ZNF234: variants seen among roughly 807,000 people sequenced by gnomAD.
ZNF234 encodes zinc finger protein 234, also known as C2-H2 type zinc finger protein.
A neutral mutation model predicts 10.3 loss-of-function variants in ZNF234; 4 were observed. That is an observed-to-expected ratio of 0.39 (90% CI 0.19 to 0.89). The LOEUF (loss-of-function observed/expected upper bound fraction) is 0.89, where lower values mean the gene tolerates loss of function less well. ZNF234 is among the 40% of genes least tolerant of loss of function. ZNF234 has a pLI of 0.38. For synonymous variants in ZNF234, 258 were observed against 280.1 expected (o/e 0.92, Z 0.79); for missense variants, 711 against 836.1 (o/e 0.85, Z 1.85).
At chr19:44,146,293 C>T (rs1968588659) in intron 3 of ZNF234, among the ~76,000 whole-genome samples, 1 of 152,170 alleles carries the variant, frequency 6.6e-6, no homozygotes, top group African/African-American at 2.4e-5. Context: ...TTAAATTACT[C>T]TACGGATATC....
In ZNF234 at chr19:44,156,275, G is replaced by C. The variant is rs959451284; in HGVS notation, c.259G>C (p.Glu87Gln). ...AGCAGACAAGATCCAAAGTGAGGTGGAGACTGTTCCAGAAGCAGGACGACA... is the reference window on the plus strand; with the variant it reads ...AGCAGACAAGATCCAAAGTGAGGTGCAGACTGTTCCAGAAGCAGGACGACA... ...KSADKIQSEV[E>Q]TVPEAGRHEE... Residue 87 changes from glutamate (E) to glutamine (Q), a missense_variant, in exon 6 of 6, where the codon GAG becomes CAG. By Grantham distance (29) the Glu-to-Gln change is conservative. Coordinates refer to ENST00000426739, the MANE Select transcript of ZNF234 (RefSeq NM_006630.3). The C allele has an allele frequency of 6.4e-7, 1 of 1,569,960 alleles. No individual in the cohort carries two copies. The highest frequency in any genetic ancestry group is 8.6e-7 in the Non-Finnish European group (1 of 1,162,096).
rs181817835 is a variant in ZNF234, at chr19:44,146,530, G to A, written c.15+1883G>A. On this transcript the variant is annotated intron_variant, in intron 3 of 5. Transcript: ENST00000426739. Reference sequence around the variant, plus strand: ...TCTGAGGAGTACCCTGAAGCATGGGGATCAGGGGGTGAGGTTTTTGGTAAG... The same window carrying A: ...TCTGAGGAGTACCCTGAAGCATGGGAATCAGGGGGTGAGGTTTTTGGTAAG... Among the ~76,000 whole-genome samples the A allele has an allele frequency of 3.4e-3, 522 of 152,300 alleles. 8 individuals carry two copies. Among genetic ancestry groups the A allele is most frequent in the East Asian group, 1.2e-3 (6 of 5,188 alleles).
intron 3 of ZNF234, 108 bp from the exon 4 acceptor site, chr19:44,148,663 C>T (rs763168186): frequency 4.2e-5 from 62 of 1,465,214 alleles, no homozygotes; most frequent in Non-Finnish European, 5.4e-5. Flanking sequence ...CACATTAAGT[C>T]TCTGAAAATC....
intron 4 of ZNF234, 66 bp from the exon 5 acceptor site, chr19:44,150,347 A>G: frequency 1.5e-6 from 2 of 1,314,576 alleles, no homozygotes; most frequent in Non-Finnish European, 2.1e-6. Flanking sequence ...AGTAATTCAA[A>G]TTGCCAGTAA....
At chr19:44,155,822 A>G (rs1423137488) in intron 5 of ZNF234, among the ~76,000 whole-genome samples, 2 of 152,144 alleles carry the variant, frequency 1.3e-5, no homozygotes, top group Non-Finnish European at 2.9e-5. Flanking sequence ...ACTGGTCTCA[A>G]ACCCCTGGCC....
In ZNF234 at chr19:44,157,519, T is replaced by C; in HGVS notation, c.1503T>C (p.Ile501=). The C allele has an allele frequency of 6.2e-7, 1 of 1,613,628 alleles. No individual in the cohort carries two copies. The highest frequency in any genetic ancestry group is 8.5e-7 in the Non-Finnish European group (1 of 1,179,910). The change falls in exon 6 of 6, where the codon ATT becomes ATC. Residue 501 remains isoleucine (I), a synonymous_variant. Coordinates refer to ENST00000426739, the MANE Select transcript of ZNF234 (RefSeq NM_006630.3). ...KGFSRRADLK[I]HCRIHTGEKP... is the part of the protein sequence containing the mutation. The stretch of plus-strand genomic sequence containing the variant: ...TTAGTCGTAGAGCAGATCTTAAAAT[T>C]CATTGTAGGATCCACACAGGGGAGA...
In ZNF234 at chr19:44,156,744, G is replaced by A. The variant is rs199815601; in HGVS notation, c.728G>A (p.Arg243His). Residue 243 changes from arginine (R) to histidine (H), a missense_variant, in exon 6 of 6, where the codon CGT becomes CAT. Physicochemically the swap from Arg to His is conservative, Grantham distance 29. Coordinates refer to ENST00000426739, the MANE Select transcript of ZNF234 (RefSeq NM_006630.3). ...KCVECGKGFS[R>H]RSTLTVHCKL... ...GTGGAATGTGGGAAAGGCTTCAGTC[G>A]TAGATCAACACTTACTGTACATTGC... is the stretch of plus-strand genomic sequence containing the variant. 212 of 1,613,582 alleles carry A rather than the reference G, an allele frequency of 1.3e-4. No individual in the cohort carries two copies. Among genetic ancestry groups the A allele is most frequent in the African/African-American group, 1.3e-3 (96 of 74,838 alleles).
At chr19:44,150,029 C>T (rs906911982) in intron 4 of ZNF234, 4 of 154,720 alleles carry the variant, frequency 2.6e-5, no homozygotes, top group Admixed American at 6.5e-5. Context: ...TCTGTGCAGC[C>T]GTGGGCATGT....
chr19:44,142,761 C>CAAA lies in ZNF234; in HGVS notation c.-77+395_-77+397dup, dbSNP rs576710519. On this transcript the variant is annotated intron_variant, in intron 2 of 5. Transcript: ENST00000426739. ...GTCAACTATTTTGTTTCATTTATTA[C>CAAA]AAATATTTCACATTCTAATAGAACC... 1.7e-3 allele frequency among the ~76,000 whole-genome samples: 259 copies of CAAA among 152,250 alleles called. 1 individual carries two copies. Among genetic ancestry groups the CAAA allele is most frequent in the African/African-American group, 5.9e-3 (247 of 41,550 alleles).
At position 44,156,487 on chromosome 19, in the gene ZNF234, C is replaced by T. The variant is rs750239096; in HGVS notation, c.471C>T (p.Phe157=). The part of the protein sequence containing the change: ...FYQCDEYKKS[F]TDVFNFDLHQ... Reference sequence around the variant, plus strand: ...AATGTGATGAGTACAAAAAATCCTTCACTGATGTCTTCAACTTTGATCTTC... The same window carrying T: ...AATGTGATGAGTACAAAAAATCCTTTACTGATGTCTTCAACTTTGATCTTC... The change falls in exon 6 of 6, where the codon TTC becomes TTT. Residue 157 remains phenylalanine (F), a synonymous_variant. Transcript: ENST00000426739. 3.1e-6 allele frequency: 5 copies of T among 1,614,170 alleles called. No individual in the cohort carries two copies. Among genetic ancestry groups the T allele is most frequent in the Non-Finnish European group, 4.2e-6 (5 of 1,180,004 alleles).
chr19:44,157,696 A>G lies in ZNF234; in HGVS notation c.1680A>G (p.Lys560=). The G allele has an allele frequency of 6.2e-7, 1 of 1,614,150 alleles. No individual in the cohort carries two copies. The highest frequency in any genetic ancestry group is 8.5e-7 in the Non-Finnish European group (1 of 1,180,028). The change falls in exon 6 of 6, where the codon AAA becomes AAG. Residue 560 remains lysine, a synonymous_variant. Transcript: ENST00000426739. ...SRSAHLQAHQ[K]VHTGEKPYKC... is the part of the protein sequence containing the mutation. ...GTGCACACCTTCAAGCCCATCAAAA[A>G]GTCCACACTGGAGAAAAGCCATACA...
rs893787773 is a variant in ZNF234, at chr19:44,148,808, C to T, written c.53C>T (p.Thr18Ile). 12 of 1,613,818 alleles carry T rather than the reference C, an allele frequency of 7.4e-6. No individual in the cohort carries two copies. In the African/African-American group the frequency reaches 1.3e-4, roughly 18 times the overall value. ...TTCAAGGATGTGGCTGTGGTCTTCA[C>T]TGAGGAGGAGCTGGGGCTGCTGGAC... The part of the protein sequence containing the change: ...LTFKDVAVVF[T>I]EEELGLLDPV... Residue 18 changes from threonine (T) to isoleucine (I), a missense_variant, in exon 4 of 6, where the codon ACT (threonine) becomes ATT (isoleucine). Coordinates refer to ENST00000426739, the MANE Select transcript of ZNF234 (RefSeq NM_006630.3).
intron 4 of ZNF234, among the ~76,000 whole-genome samples, chr19:44,149,539 G>C (rs1968686342): frequency 6.6e-6 from 1 of 152,110 alleles, no homozygotes; most frequent in Non-Finnish European, 1.5e-5. Context: ...GGAGTTTTTT[G>C]TTTTATTTTT....
Position 44,156,281 on chromosome 19 carries a change from G to A in ZNF234, c.265G>A (p.Val89Ile). Reference protein sequence around the residue: ...ADKIQSEVETVPEAGRHEELY... With the variant: ...ADKIQSEVETIPEAGRHEELY... Reference sequence around the variant, plus strand: ...CAAGATCCAAAGTGAGGTGGAGACTGTTCCAGAAGCAGGACGACATGAAGA... The same window carrying A: ...CAAGATCCAAAGTGAGGTGGAGACTATTCCAGAAGCAGGACGACATGAAGA... Residue 89 changes from valine to isoleucine, a missense_variant, in exon 6 of 6, where the codon GTT becomes ATT. By Grantham distance (29) the Val-to-Ile change is conservative. Coordinates refer to ENST00000426739, the MANE Select transcript of ZNF234 (RefSeq NM_006630.3). 3 of 1,576,240 alleles carry A rather than the reference G, an allele frequency of 1.9e-6. No homozygotes were observed. Among genetic ancestry groups the A allele is most frequent in the Non-Finnish European group, 2.6e-6 (3 of 1,164,396 alleles).
chr19:44,142,634 AG>A (rs889468749), intron 2 of ZNF234, among the ~76,000 whole-genome samples: 23 of 152,326 alleles, frequency 1.5e-4, no homozygotes, highest in African/African-American at 5.5e-4. Context: ...ATTGAGGCAG[AG>A]GAACTAGCTG....
In ZNF234 at chr19:44,159,674, T is replaced by C; in HGVS notation, c.*1555T>C. Reference sequence around the variant, plus strand: ...TCAGCCCCCTTGAATTTATTTGATTTCTGACTTTCCACATTTCCATCCAGA... The same window carrying C: ...TCAGCCCCCTTGAATTTATTTGATTCCTGACTTTCCACATTTCCATCCAGA... On this transcript the variant is annotated 3_prime_UTR_variant, in exon 6 of 6. Coordinates refer to ENST00000426739, the MANE Select transcript of ZNF234 (RefSeq NM_006630.3). 4 of 446,828 alleles carry C rather than the reference T, an allele frequency of 9.0e-6. No individual in the cohort carries two copies. The highest frequency in any genetic ancestry group is 6.2e-5 in the South Asian group (4 of 64,668). The allele number at this position is 446,828 out of a possible 1,614,324, so 27.7% of individuals were successfully genotyped here.
At chr19:44,152,749 T>C (rs188191685) in intron 5 of ZNF234, among the ~76,000 whole-genome samples, 1 of 152,308 alleles carries the variant, frequency 6.6e-6, no homozygotes, top group Admixed American at 6.5e-5. Flanking sequence ...GGTTGCAAAC[T>C]GCTTTCCTTT....
Position 44,156,666 on chromosome 19 carries a change from C to T in ZNF234, c.650C>T (p.Ser217Leu), listed in dbSNP as rs755646717. 2 of 1,614,156 alleles carry T rather than the reference C, an allele frequency of 1.2e-6. No homozygotes were observed. Among genetic ancestry groups the T allele is most frequent in the South Asian group, 1.1e-5 (1 of 91,080 alleles). The stretch of plus-strand genomic sequence containing the variant: ...TGTGGTAAGGAATTTAGTCAGAGCT[C>T]ACATCTTCAAACTCATCAGAGAGTC... ...DVCGKEFSQS[S>L]HLQTHQRVHT... The change falls in exon 6 of 6, where the codon TCA becomes TTA. Residue 217 changes from serine (S) to leucine (L), a missense_variant. Transcript: ENST00000426739.
chr19:44,154,628 C>CTTTTTTTTTTT (rs779013573), intron 5 of ZNF234, among the ~76,000 whole-genome samples: 7 of 102,440 alleles, frequency 6.8e-5, no homozygotes, highest in African/African-American at 1.6e-4. Flanking sequence ...TTCTCTTTTT[C>CTTTTTTTTTTT]TTTTTTTTTT....
Sources: gnomAD v4.1 joint callset for allele counts (sites outside exome capture counted in the v4.1 genomes callset) on GRCh38, gnomAD v4.1.1 for gene constraint, MANE v1.5 for transcripts, NCBI Gene and HGNC (gene_info 2026-07-23, HGNC 2026-07-21) for gene names.